Variants in PSG6 observed in about 807,000 individuals in gnomAD.
The protein encoded by PSG6 is pregnancy specific beta-1-glycoprotein 6.
In PSG6, 51 loss-of-function variants were observed where a neutral mutation model predicts 43.3. The observed-to-expected ratio is 1.18, with a 90% confidence interval of 0.94 to 1.49. The LOEUF (loss-of-function observed/expected upper bound fraction) is 1.49. Ranked by LOEUF, PSG6 falls within the 40% of genes most tolerant of loss-of-function variation. The pLI is 0.00. For missense variants in PSG6, 770 were observed against 522.2 expected (o/e 1.47, Z -4.62); for synonymous variants, 292 against 197.6 (o/e 1.48, Z -4.01).
chr19:42,912,368 C>A (rs933410519), intron 2 of PSG6, among the ~76,000 whole-genome samples: 2 of 151,708 alleles, frequency 1.3e-5, no homozygotes, highest in Admixed American at 6.6e-5. Context: ...ATGGTCCAAA[C>A]ATCTAAGATC....
At position 42,902,203 on chromosome 19, in the gene PSG6, G is replaced by C. The variant is rs537164320; in HGVS notation, c.*209C>G. On this transcript the variant is annotated 3_prime_UTR_variant, in exon 6 of 6. Transcript: ENST00000187910. ...AATGTTTCAATTTTTGTTTACAAAA[G>C]TATACTTTACCAATTGCTGAAGAAA... 8.7e-4 allele frequency: 537 copies of C among 616,588 alleles called. 6 individuals carry two copies. In the East Asian group the frequency reaches 0.017, roughly 19 times the overall value. The allele number at this position is 616,588 out of a possible 1,614,324, so 38.2% of individuals were successfully genotyped here. A position where few individuals can be genotyped will look rare whatever the true frequency, so the allele number is the denominator to read the frequency against.
intron 3 of PSG6, 136 bp downstream of exon 3, chr19:42,910,444 A>G: frequency 6.2e-7 from 1 of 1,604,446 alleles, no homozygotes. Flanking sequence ...TGCCTGGAGC[A>G]GAAAGTCATG....
Position 42,916,498 on chromosome 19 carries a change from G to C in PSG6, c.65-11C>G. The C allele has an allele frequency of 6.2e-7, 1 of 1,605,158 alleles. No individual in the cohort carries two copies. The highest frequency in any genetic ancestry group is 2.2e-5 in the East Asian group (1 of 44,724). ...AGTTTAAAAGTGATGCTAGGAGGTA[G>C]AGACAGCATCAGTTAATATTTGGAC... On this transcript the variant is annotated splice_polypyrimidine_tract_variant and intron_variant, in intron 1 of 5. Coordinates refer to ENST00000187910, the MANE Select transcript of PSG6 (RefSeq NM_001031850.4).
chr19:42,915,065 T>C (rs1480820090), intron 2 of PSG6, among the ~76,000 whole-genome samples: 6 of 151,702 alleles, frequency 4.0e-5, no homozygotes, highest in East Asian at 3.9e-4. Flanking sequence ...AATAAATGAC[T>C]ATGGGGTCCT....
At chr19:42,913,592 A>G (rs1054640999) in intron 2 of PSG6, among the ~76,000 whole-genome samples, 5 of 151,832 alleles carry the variant, frequency 3.3e-5, no homozygotes, top group African/African-American at 1.2e-4. Flanking sequence ...TGTGAGCTCC[A>G]TAGCAGGTTG....
intron 1 of PSG6, 40 bp from the exon 2 acceptor site, chr19:42,916,527 T>G: frequency 5.1e-6 from 8 of 1,577,712 alleles, no homozygotes; most frequent in African/African-American, 1.4e-5. Context: ...TTTGGACCTA[T>G]GTATTGGGGT....
rs778364391 is a variant in PSG6 at position 42,907,886 on chromosome 19, G to A, written c.707-32C>T. On this transcript the variant is annotated intron_variant, in intron 3 of 5. Transcript: ENST00000187910. ...GGATAACAGAAGATTGTCCTGTGTG[G>A]CACCTTTGATTCCTCCACAGGCATC... The A allele has an allele frequency of 2.9e-5, 47 of 1,606,006 alleles. No homozygotes were observed. In the Middle Eastern group the frequency reaches 5.3e-4, roughly 18 times the overall value.
rs535726069 is a variant in PSG6 at position 42,906,520 on chromosome 19, T to A, written c.1240+402A>T. 6 of 1,260,426 alleles carry A rather than the reference T, an allele frequency of 4.8e-6. No individual in the cohort carries two copies. The East Asian group carries it at 1.6e-4, about 33-fold the overall frequency. The allele number at this position is 1,260,426 out of a possible 1,614,324, so 78.1% of individuals were successfully genotyped here. ...TCTCATTTGGGGGAAAAGTGTGAGC[T>A]TGTTTCAAAGCCTCAGATGTTCCTT... On this transcript the variant is annotated intron_variant, in intron 5 of 5. Transcript: ENST00000187910.
At chr19:42,906,085 C>G (rs755670076) in intron 5 of PSG6, among the ~76,000 whole-genome samples, 2 of 151,588 alleles carry the variant, frequency 1.3e-5, no homozygotes, top group Non-Finnish European at 2.9e-5. Context: ...CTTGCCCTCT[C>G]TATAATTACA....
At chr19:42,912,937 T>C (rs1407805086) in intron 2 of PSG6, among the ~76,000 whole-genome samples, 1 of 151,698 alleles carries the variant, frequency 6.6e-6, no homozygotes, top group Admixed American at 6.6e-5. Context: ...GTGACAGCCT[T>C]TGTAGTTGTC....
rs754988913 is a variant in PSG6, at chr19:42,910,520, C to T, written c.706+60G>A. On this transcript the variant is annotated intron_variant, in intron 3 of 5. Transcript: ENST00000187910. ...ACCTGAGAGGGACTGAGAGGCCTGGCCTCTGGCCACTTGTATTTGGGATGG... is the reference window on the plus strand; with the variant it reads ...ACCTGAGAGGGACTGAGAGGCCTGGTCTCTGGCCACTTGTATTTGGGATGG... 13 of 1,612,356 alleles carry T rather than the reference C, an allele frequency of 8.1e-6. 1 individual carries two copies. Among genetic ancestry groups the T allele is most frequent in the Admixed American group, 1.7e-5 (1 of 59,910 alleles).
In PSG6 at chr19:42,907,004, A is replaced by C. The variant is rs142024287; in HGVS notation, c.1158T>G (p.Asn386Lys). 3.6e-4 allele frequency: 578 copies of C among 1,612,382 alleles called. 17 individuals carry two copies. In the African/African-American group the frequency reaches 6.0e-3, roughly 17 times the overall value. Residue 386 changes from asparagine to lysine, a missense_variant, in exon 5 of 6, where the codon AAT (asparagine) becomes AAG (lysine). Coordinates refer to ENST00000187910, the MANE Select transcript of PSG6 (RefSeq NM_001031850.4). ...CAGAGCAAGCATAGAGCCCGCTATG[A>C]TTTGTAGTAATTTGGGGGATAAAGA... ...QKLFIPQITT[N>K]HSGLYACSVR...
chr19:42,917,426 CTG>C (rs1439215606), intron 1 of PSG6, among the ~76,000 whole-genome samples: 1 of 142,060 alleles, frequency 7.0e-6, no homozygotes, highest in East Asian at 2.1e-4. Flanking sequence ...TGCAGTGGTG[CTG>C]TCTCGGCTAG....
chr19:42,916,585 C>G (rs1018659105), intron 1 of PSG6, 98 bp from the exon 2 acceptor site: 2 of 1,462,008 alleles, frequency 1.4e-6, no homozygotes, highest in South Asian at 1.4e-5. Flanking sequence ...AATCATCAGC[C>G]TTGAAGATAT....
intron 5 of PSG6, chr19:42,903,471 G>T: frequency 1.4e-6 from 1 of 722,482 alleles, no homozygotes. Context: ...AATGGAGAAT[G>T]GAAACAGAAT....
chr19:42,917,838 A>T lies in PSG6; in HGVS notation c.-46T>A, dbSNP rs866223100. On this transcript the variant is annotated 5_prime_UTR_variant, in exon 1 of 6. Transcript: ENST00000187910. Reference sequence around the variant, plus strand: ...TCTCCCCTGTGGAGATGAGCCTAGGATCCAGAGACTTCCTGAGCAGGGCTG... The same window carrying T: ...TCTCCCCTGTGGAGATGAGCCTAGGTTCCAGAGACTTCCTGAGCAGGGCTG... 2 of 1,591,492 alleles carry T rather than the reference A, an allele frequency of 1.3e-6. No homozygotes were observed. Among genetic ancestry groups the T allele is most frequent in the Admixed American group, 1.7e-5 (1 of 58,562 alleles).
chr19:42,915,871 TC>T, intron 2 of PSG6: 2 of 586,786 alleles, frequency 3.4e-6, no homozygotes, highest in Non-Finnish European at 5.6e-6. Context: ...GAGACTGATC[TC>T]CTCCTGCTGA....
Position 42,902,110 on chromosome 19 carries a change from A to G in PSG6, c.*302T>C. 1 of 297,646 alleles carries G rather than the reference A, an allele frequency of 3.4e-6. No homozygotes were observed. The highest frequency in any genetic ancestry group is 6.4e-6 in the Non-Finnish European group (1 of 157,334). 18.4% of individuals were successfully genotyped at this position (297,646 alleles called of 1,614,324 possible). ...CTGAACTTGTGCAAATAACTTTATT[A>G]CCATAAACCTATGAATACTCATGAA... On this transcript the variant is annotated 3_prime_UTR_variant, in exon 6 of 6. Coordinates refer to ENST00000187910, the MANE Select transcript of PSG6 (RefSeq NM_001031850.4).
At chr19:42,916,534 G>T (rs1972338411) in intron 1 of PSG6, 47 bp from the exon 2 acceptor site, 1 of 1,572,876 alleles carries the variant, frequency 6.4e-7, no homozygotes, top group Non-Finnish European at 8.6e-7. Context: ...CTATGTATTG[G>T]GGTGAAAAGA....
Sources: allele counts gnomAD v4.1 joint callset (sites outside exome capture counted in the v4.1 genomes callset), GRCh38; gene constraint gnomAD v4.1.1; transcripts MANE v1.5; gene names NCBI Gene and HGNC (gene_info 2026-07-23, HGNC 2026-07-21).